DNHD1: variants seen among roughly 807,000 people sequenced by gnomAD.
DNHD1 encodes the protein dynein heavy chain domain-containing protein 1.
Under a neutral mutation model 458.1 loss-of-function variants are expected in DNHD1, and 383 were observed. The ratio of observed to expected loss-of-function variants is 0.84; its 90% CI spans 0.77 to 0.91. The LOEUF (loss-of-function observed/expected upper bound fraction) is 0.91, where lower values mean the gene tolerates loss of function less well. Ranked by LOEUF, DNHD1 falls within the 40% of genes least tolerant of loss-of-function variation. The probability of loss-of-function intolerance (pLI) is 0.00; values close to 1 mark genes in which losing one functional copy is unlikely to be tolerated. For missense variants in DNHD1, 5,336 were observed against 5,866.1 expected, an observed-to-expected ratio of 0.91 and a Z score of 2.95; for synonymous variants, 2,203 against 2,376.9, an observed-to-expected ratio of 0.93 and a Z score of 2.13.
At chr11:6,504,299 T>C (rs1019505851) in intron 4 of DNHD1, 1 of 152,246 alleles carries the variant, frequency 6.6e-6, no homozygotes, top group Non-Finnish European at 1.5e-5. Flanking sequence ...CTTTTTCTCT[T>C]TTTTCAGCTG....
At chr11:6,555,372 T>C (rs1469342815) in intron 24 of DNHD1, among the ~76,000 whole-genome samples, 3 of 152,228 alleles carry the variant, frequency 2.0e-5, no homozygotes, top group Non-Finnish European at 4.4e-5. Context: ...TTGTGGTGTA[T>C]TGAATTTGTC....
Position 6,539,967 on chromosome 11 carries a change from A to G in DNHD1, c.3512A>G (p.Asn1171Ser). The change falls in exon 18 of 43, where the codon AAC becomes AGC. Residue 1171 changes from asparagine to serine, a missense_variant. This residue lies in a region of DNHD1 where 3,932 missense variants were observed against 4,365.6 expected (regional missense o/e 0.90). Coordinates refer to ENST00000254579, the MANE Select transcript of DNHD1 (RefSeq NM_144666.3). ...YWEARQLRLL[N>S]FILHVPYEPP... Reference sequence around the variant, plus strand: ...GAAGCGCGCCAGCTGCGCCTGCTCAACTTCATCCTGCATGTACCCTACGAG... The same window carrying G: ...GAAGCGCGCCAGCTGCGCCTGCTCAGCTTCATCCTGCATGTACCCTACGAG... 6.4e-7 allele frequency: 1 copy of G among 1,551,702 alleles called. No homozygotes were observed. The highest frequency in any genetic ancestry group is 8.7e-7 in the Non-Finnish European group (1 of 1,146,980).
intron 28 of DNHD1, among the ~76,000 whole-genome samples, chr11:6,560,294 T>C (rs1191264771): frequency 6.6e-6 from 1 of 152,210 alleles, no homozygotes; most frequent in Non-Finnish European, 1.5e-5. Flanking sequence ...CCTTTAGGAC[T>C]ATCATCCAGT....
At chr11:6,527,330 G>A (rs1476331042) in intron 10 of DNHD1, among the ~76,000 whole-genome samples, 1 of 152,188 alleles carries the variant, frequency 6.6e-6, no homozygotes, top group African/African-American at 2.4e-5. Context: ...GGCTGGGGGA[G>A]GAGGGCAGGT....
intron 36 of DNHD1, 63 bp downstream of exon 36, chr11:6,567,923 C>G (rs1348014343): frequency 6.7e-7 from 1 of 1,493,406 alleles, no homozygotes; most frequent in African/African-American, 1.4e-5. Flanking sequence ...CATGGGGGAC[C>G]CCCTCCAAGC....
intron 32 of DNHD1, 27 bp from the exon 33 acceptor site, chr11:6,565,668 G>A: frequency 6.6e-7 from 1 of 1,520,814 alleles, no homozygotes; most frequent in Non-Finnish European, 8.8e-7. Context: ...CCCCTAAGAA[G>A]AGCTCCTCTG....
In DNHD1 at chr11:6,563,047, G is replaced by A. The variant is rs1564822235; in HGVS notation, c.9585G>A (p.Glu3195=). ...SKLLYKQQLE[E]CRHQENLIEN... Reference sequence around the variant, plus strand: ...TCCTATACAAGCAGCAGCTGGAAGAGTGTCGGCATCAAGAGAACCTCATTG... The same window carrying A: ...TCCTATACAAGCAGCAGCTGGAAGAATGTCGGCATCAAGAGAACCTCATTG... The change falls in exon 29 of 43, where the codon GAG becomes GAA. Residue 3195 remains glutamate, a synonymous_variant. Coordinates refer to ENST00000254579, the MANE Select transcript of DNHD1 (RefSeq NM_144666.3). The A allele has an allele frequency of 1.3e-6, 2 of 1,551,742 alleles. No individual in the cohort carries two copies. Among genetic ancestry groups the A allele is most frequent in the Non-Finnish European group, 1.7e-6 (2 of 1,147,002 alleles).
intron 12 of DNHD1, 84 bp downstream of exon 12, chr11:6,529,205 C>T (rs536535186): frequency 1.2e-4 from 171 of 1,436,926 alleles, no homozygotes; most frequent in African/African-American, 7.0e-4. Flanking sequence ...GAATGTCCTC[C>T]GGAGACCTTC....
At chr11:6,566,806 ATGGACCTGGGTAAGGGGG>A in intron 35 of DNHD1, 41 bp downstream of exon 35, 1 of 1,601,656 alleles carries the variant, frequency 6.2e-7, no homozygotes, top group Non-Finnish European at 8.5e-7. Context: ...TGAGCATTGG[ATGGACCTGGGTAAGGGGG>A]TGGAGATGAA....
In DNHD1 at chr11:6,509,045, A is replaced by AT; in HGVS notation, c.1088dup (p.Phe364LeufsTer2). On this transcript the variant is annotated frameshift_variant, in exon 5 of 43. Transcript: ENST00000254579. LOFTEE classifies it high-confidence loss of function. Reference sequence around the variant, plus strand: ...TCTGGCAGCAGCTCCAGTTCATTCCATTCTTTAAGTATTGCCTCTTACGCA... The same window carrying AT: ...TCTGGCAGCAGCTCCAGTTCATTCCATTTCTTTAAGTATTGCCTCTTACGCA... 6.2e-7 allele frequency: 1 copy of AT among 1,614,158 alleles called. No homozygotes were observed. The highest frequency in any genetic ancestry group is 8.5e-7 in the Non-Finnish European group (1 of 1,180,012).
At position 6,567,754 on chromosome 11, in the gene DNHD1, G is replaced by A. The variant is rs1853741883; in HGVS notation, c.12245G>A (p.Ser4082Asn). The A allele has an allele frequency of 1.2e-6, 2 of 1,613,948 alleles. No homozygotes were observed. The highest frequency in any genetic ancestry group is 1.7e-6 in the Non-Finnish European group (2 of 1,179,890). Reference sequence around the variant, plus strand: ...GCTCCCACCATGCCCTTTAAACATAGTCAGGCTACTCAGCCCATGCTGATC... The same window carrying A: ...GCTCCCACCATGCCCTTTAAACATAATCAGGCTACTCAGCCCATGCTGATC... ...TYAPTMPFKH[S>N]QATQPMLILL... Residue 4082 changes from serine to asparagine, a missense_variant, in exon 36 of 43, where the codon AGT (serine) becomes AAT (asparagine). Around this residue, in one of 4 missense-constraint regions of DNHD1, gnomAD observed 695 missense variants for 804.2 expected, o/e 0.86. Transcript: ENST00000254579.
At chr11:6,510,176 T>C (rs1233381254) in intron 6 of DNHD1, among the ~76,000 whole-genome samples, 1 of 152,070 alleles carries the variant, frequency 6.6e-6, no homozygotes, top group Non-Finnish European at 1.5e-5. Context: ...CTCCTCCTCC[T>C]GGGTTCAAGC....
intron 10 of DNHD1, among the ~76,000 whole-genome samples, chr11:6,522,842 A>G (rs1266537156): frequency 1.3e-5 from 2 of 152,232 alleles, no homozygotes; most frequent in Non-Finnish European, 2.9e-5. Context: ...TACATTGACT[A>G]GATTCTAATC....
Position 6,548,264 on chromosome 11 carries a change from C to G in DNHD1, c.6960C>G (p.Asn2320Lys). 1 of 1,551,714 alleles carries G rather than the reference C, an allele frequency of 6.4e-7. No homozygotes were observed. The highest frequency in any genetic ancestry group is 8.7e-7 in the Non-Finnish European group (1 of 1,146,992). ...GGGATTCTATTAGTCGCCTCTCCAA[C>G]TACCCTGAGCCACCACCCTCAGCCT... Reference protein sequence around the residue: ...FIRDSISRLSNYPEPPPSALV... With the variant: ...FIRDSISRLSKYPEPPPSALV... Residue 2320 changes from asparagine (N) to lysine (K), a missense_variant, in exon 23 of 43, where the codon AAC becomes AAG. By Grantham distance (94) the Asn-to-Lys change is moderately conservative. Transcript: ENST00000254579. This position sits in a 1 kb window ranked among gnomAD's most constrained non-coding sequence, Gnocchi z 4.4.
Position 6,563,743 on chromosome 11 carries a change from G to GTTAC in DNHD1, c.9904_9907dup (p.His3303LeufsTer77). 1 of 1,550,434 alleles carries GTTAC rather than the reference G, an allele frequency of 6.4e-7. No individual in the cohort carries two copies. The highest frequency in any genetic ancestry group is 8.7e-7 in the Non-Finnish European group (1 of 1,146,358). Reference sequence around the variant, plus strand: ...AGATAACAGACTCAGAGCTGATAAAGTTACATCTAATTCTGAAGGCTCCAG... The same window carrying GTTAC: ...AGATAACAGACTCAGAGCTGATAAAGTTACTTACATCTAATTCTGAAGGCTCCAG... On this transcript the variant is annotated frameshift_variant, in exon 31 of 43. Coordinates refer to ENST00000254579, the MANE Select transcript of DNHD1 (RefSeq NM_144666.3). LOFTEE classifies it high-confidence loss of function.
rs141570632 is a variant in DNHD1 at position 6,564,232 on chromosome 11, C to T, written c.10285-101C>T. On this transcript the variant is annotated intron_variant, in intron 31 of 42. Transcript: ENST00000254579. Reference sequence around the variant, plus strand: ...CTCTGTCCCTCTCTGCACTCCTTGCCGTACTTTCCTCCACACCCCACCTTG... The same window carrying T: ...CTCTGTCCCTCTCTGCACTCCTTGCTGTACTTTCCTCCACACCCCACCTTG... The T allele has an allele frequency of 2.3e-4, 340 of 1,453,594 alleles. 2 individuals are homozygous for T. The East Asian group carries it at 8.0e-3, about 34-fold the overall frequency. 90.0% of individuals were successfully genotyped at this position (1,453,594 alleles called of 1,614,324 possible). A position where few individuals can be genotyped will look rare whatever the true frequency, so the allele number is the denominator to read the frequency against.
chr11:6,549,886 G>A (rs1853302853), intron 24 of DNHD1, among the ~76,000 whole-genome samples: 2 of 152,230 alleles, frequency 1.3e-5, no homozygotes, highest in Admixed American at 1.3e-4. Context: ...ATATTGAAGT[G>A]TAAAGTTTCT....
chr11:6,546,268 A>G lies in DNHD1; in HGVS notation c.5329A>G (p.Ile1777Val). ...GGAGGCTTCCCGAAACACAAGCACC[A>G]TAGACCCCACCCAGCCCCAGCTCCT... The part of the protein sequence containing the change: ...YQEASRNTST[I>V]DPTQPQLLGS... Residue 1777 changes from isoleucine (I) to valine (V), a missense_variant, in exon 21 of 43, where the codon ATA becomes GTA. By Grantham distance (29) the Ile-to-Val change is conservative. Around this residue, in one of 4 missense-constraint regions of DNHD1, gnomAD observed 3,932 missense variants for 4,365.6 expected, o/e 0.90. Coordinates refer to ENST00000254579, the MANE Select transcript of DNHD1 (RefSeq NM_144666.3). 6.4e-7 allele frequency: 1 copy of G among 1,552,334 alleles called. No individual in the cohort carries two copies. Among genetic ancestry groups the G allele is most frequent in the African/African-American group, 1.4e-5 (1 of 73,172 alleles).
In DNHD1 at chr11:6,561,116, G is replaced by A. The variant is rs931236292; in HGVS notation, c.9519+1833G>A. 4.6e-5 allele frequency among the ~76,000 whole-genome samples: 7 copies of A among 152,320 alleles called. No homozygotes were observed. The South Asian group carries it at 1.0e-3, about 23-fold the overall frequency. On this transcript the variant is annotated intron_variant, in intron 28 of 42. Transcript: ENST00000254579. ...AAGTATTTAAATGTGCTGGCACATA[G>A]AGCTCAATAAATGTTAGTTACTATT...
Sources: allele counts gnomAD v4.1 joint callset (sites outside exome capture counted in the v4.1 genomes callset), GRCh38; gene constraint gnomAD v4.1.1; regional missense constraint gnomAD v4.1.1; non-coding constraint Gnocchi (gnomAD v3.1); transcripts MANE v1.5; gene names NCBI Gene and HGNC (gene_info 2026-07-23, HGNC 2026-07-21).